The following INPP4B variants were observed in gnomAD, a reference collection of about 807,000 sequenced individuals.
The protein encoded by INPP4B is inositol polyphosphate 4-phosphatase type II.
Under a neutral mutation model 122.5 loss-of-function variants are expected in INPP4B, and 55 were observed. The observed-to-expected ratio is 0.45, with a 90% CI of 0.36 to 0.56. INPP4B has a LOEUF of 0.56. INPP4B is among the 20% of genes least tolerant of loss of function. The pLI, the probability that INPP4B is intolerant of heterozygous loss-of-function variation, is 0.00. For missense variants in INPP4B, 1,000 were observed against 1,097.7 expected (o/e 0.91, Z 1.26); for synonymous variants, 403 against 388.7 (o/e 1.04, Z -0.43).
chr4:142,636,734 T>A (rs1332259666), intron 2 of INPP4B, among the ~76,000 whole-genome samples: 1 of 152,118 alleles, frequency 6.6e-6, no homozygotes, highest in African/African-American at 2.4e-5. Flanking sequence ...CAGAATTACT[T>A]TTGCTATATA....
chr4:142,120,431 A>C (rs1307664064), intron 21 of INPP4B, among the ~76,000 whole-genome samples: 1 of 152,112 alleles, frequency 6.6e-6, no homozygotes, highest in Non-Finnish European at 1.5e-5. Flanking sequence ...AGAATTACTA[A>C]ACAATATTGA....
intron 25 of INPP4B, among the ~76,000 whole-genome samples, chr4:142,033,686 T>TTTTTTTA (rs1741901651): frequency 3.3e-5 from 5 of 150,794 alleles, no homozygotes; most frequent in African/African-American, 1.2e-4. Context: ...TTTTTTTTTT[T>TTTTTTTA]GAGACAGGTT....
At chr4:142,147,705 T>C (rs949642338) in intron 17 of INPP4B, among the ~76,000 whole-genome samples, 21 of 152,210 alleles carry the variant, frequency 1.4e-4, no homozygotes, top group African/African-American at 5.1e-4. Context: ...CACTGTAACC[T>C]TGAGTAGGAA....
At chr4:142,443,617 C>T (rs906172640) in intron 3 of INPP4B, among the ~76,000 whole-genome samples, 10 of 152,056 alleles carry the variant, frequency 6.6e-5, no homozygotes, top group African/African-American at 2.4e-4. Context: ...AATGCCTCTG[C>T]CCCCGCCACC....
chr4:142,708,231 T>C (rs1580747390), intron 2 of INPP4B, among the ~76,000 whole-genome samples: 3 of 152,252 alleles, frequency 2.0e-5, no homozygotes, highest in African/African-American at 7.2e-5. Flanking sequence ...CTGGAACTTA[T>C]TTTTAAAAAG....
intron 2 of INPP4B, among the ~76,000 whole-genome samples, chr4:142,573,325 C>G (rs772419900): frequency 2.0e-5 from 3 of 152,094 alleles, no homozygotes; most frequent in Non-Finnish European, 4.4e-5. Context: ...GCACTTTGTG[C>G]TACCCAGTTC....
At chr4:142,146,794 A>T in intron 17 of INPP4B, among the ~76,000 whole-genome samples, 2 of 152,226 alleles carry the variant, frequency 1.3e-5, no homozygotes, top group Non-Finnish European at 2.9e-5. Context: ...CCTCTACTTA[A>T]TATTATACAC....
intron 17 of INPP4B, among the ~76,000 whole-genome samples, chr4:142,152,484 A>G (rs72935219): frequency 0.036 from 5,512 of 152,256 alleles, 247 homozygotes; most frequent in African/African-American, 0.1. Context: ...TGCATAAAAG[A>G]AGAATGGATA....
intron 10 of INPP4B, among the ~76,000 whole-genome samples, chr4:142,265,808 G>A (rs1046660378): frequency 6.6e-6 from 1 of 152,190 alleles, no homozygotes; most frequent in African/African-American, 2.4e-5. Flanking sequence ...GCTCAGTTAA[G>A]TCTTTTTAAA....
chr4:142,695,986 A>G (rs1037635829), intron 2 of INPP4B, among the ~76,000 whole-genome samples: 2 of 152,132 alleles, frequency 1.3e-5, no homozygotes, highest in Non-Finnish European at 2.9e-5. Context: ...TGTGGATCAG[A>G]TGACAGATCA....
At chr4:142,405,061 C>G in intron 6 of INPP4B, 145 bp downstream of exon 6, 1 of 575,542 alleles carries the variant, frequency 1.7e-6, no homozygotes, top group South Asian at 2.0e-5. Context: ...AGCATTGCTA[C>G]AGACTATGAA....
At position 142,354,456 on chromosome 4, in the gene INPP4B, T is replaced by C. The variant is rs77675383; in HGVS notation, c.373-39694A>G. On this transcript the variant is annotated intron_variant, in intron 7 of 25. Coordinates refer to ENST00000262992, the MANE Select transcript of INPP4B (RefSeq NM_001101669.3). ...CCCCCACAGACCTGGAGTTCTTGTC[T>C]ATTTCCATTCGGTACCTTTTATCTA... 8.3e-4 allele frequency among the ~76,000 whole-genome samples: 127 copies of C among 152,152 alleles called. No individual in the cohort carries two copies. The East Asian group carries it at 0.025, about 30-fold the overall frequency.
intron 9 of INPP4B, among the ~76,000 whole-genome samples, chr4:142,290,449 A>G (rs1365927175): frequency 2.6e-5 from 4 of 151,434 alleles, no homozygotes; most frequent in African/African-American, 4.9e-5. Context: ...CTGGTGATCG[A>G]CCTGCCTCGG....
chr4:142,141,532 T>G (rs1807816406), intron 18 of INPP4B, among the ~76,000 whole-genome samples: 1 of 152,112 alleles, frequency 6.6e-6, no homozygotes, highest in African/African-American at 2.4e-5. Context: ...CTGTAGAACT[T>G]TGGAATAGTT....
intron 5 of INPP4B, among the ~76,000 whole-genome samples, chr4:142,414,956 C>T (rs1805366476): frequency 6.6e-6 from 1 of 152,126 alleles, no homozygotes; most frequent in Non-Finnish European, 1.5e-5. Flanking sequence ...AAGCAGGTCC[C>T]CCTGAATACT....
chr4:142,455,428 A>C (rs1361458029), intron 3 of INPP4B, among the ~76,000 whole-genome samples: 1 of 151,918 alleles, frequency 6.6e-6, no homozygotes, highest in Non-Finnish European at 1.5e-5. Flanking sequence ...TGTCTTTCTG[A>C]GGTTGCCTGA....
chr4:142,257,301 G>T (rs549928268), intron 11 of INPP4B, among the ~76,000 whole-genome samples: 1 of 151,660 alleles, frequency 6.6e-6, no homozygotes, highest in East Asian at 1.9e-4. Context: ...GGCACTAGAC[G>T]GGATGCCCTC....
intron 3 of INPP4B, among the ~76,000 whole-genome samples, chr4:142,450,113 G>A (rs530150077): frequency 1.1e-4 from 16 of 152,218 alleles, no homozygotes; most frequent in African/African-American, 3.1e-4. Context: ...CCTAGATTCT[G>A]TCCCCAGCTC....
At chr4:142,409,335 A>G (rs1804116148) in intron 5 of INPP4B, among the ~76,000 whole-genome samples, 2 of 152,180 alleles carry the variant, frequency 1.3e-5, no homozygotes, top group African/African-American at 4.8e-5. Context: ...TCTACTAAAA[A>G]TACAAAAATT....
Sources: allele counts gnomAD v4.1 joint callset (sites outside exome capture counted in the v4.1 genomes callset), GRCh38; gene constraint gnomAD v4.1.1; transcripts MANE v1.5; gene names NCBI Gene and HGNC (gene_info 2026-07-23, HGNC 2026-07-21).